GALNT13: variants seen among roughly 807,000 people sequenced by gnomAD.
The protein encoded by GALNT13 is UDP-GalNAc:polypeptide N-acetylgalactosaminyltransferase 13.
In GALNT13, 28 loss-of-function variants were observed where a neutral mutation model predicts 64.2. That is an observed-to-expected ratio of 0.44 (90% CI 0.32 to 0.60). The LOEUF (loss-of-function observed/expected upper bound fraction) is 0.60, where lower values mean the gene tolerates loss of function less well. GALNT13 is among the 20% of genes least tolerant of loss of function. The pLI, the probability that GALNT13 is intolerant of heterozygous loss-of-function variation, is 0.05. For synonymous variants in GALNT13, 214 were observed against 224.6 expected, an observed-to-expected ratio of 0.95 and a Z score of 0.42; for missense variants, 577 against 669.8, an observed-to-expected ratio of 0.86 and a Z score of 1.53.
At chr2:154,224,454 G>GA (rs904594508) in intron 4 of GALNT13, among the ~76,000 whole-genome samples, 2 of 151,654 alleles carry the variant, frequency 1.3e-5, no homozygotes, top group South Asian at 2.1e-4. Context: ...GGGCTCACAA[G>GA]AAAAAAACAT....
At chr2:154,287,302 G>T (rs998218422) in intron 8 of GALNT13, 6 of 673,628 alleles carry the variant, frequency 8.9e-6, no homozygotes, top group South Asian at 1.5e-5. Context: ...TGGCCATGGC[G>T]GGGACAGTCT....
chr2:154,238,336 G>A (rs954092736), intron 4 of GALNT13, among the ~76,000 whole-genome samples: 7 of 151,912 alleles, frequency 4.6e-5, no homozygotes, highest in African/African-American at 1.7e-4. Flanking sequence ...TTCATAAGTC[G>A]AGCATAACAA....
rs559828996 is a variant in GALNT13, at chr2:154,216,551, C to T, written c.312-25479C>T. 3.1e-4 allele frequency among the ~76,000 whole-genome samples: 47 copies of T among 152,068 alleles called. No individual in the cohort carries two copies. In the South Asian group the frequency reaches 9.5e-3, roughly 31 times the overall value. ...GTACATGGCTTGCACTCGAAAAATG[C>T]TTCAGATATTGCCCATCTTTTTATT... On this transcript the variant is annotated intron_variant, in intron 4 of 12. Transcript: ENST00000392825.
the GALNT13 span, among the ~76,000 whole-genome samples, chr2:153,258,585 G>T: frequency 9.2e-5 from 14 of 152,118 alleles, no homozygotes; most frequent in East Asian, 2.7e-3. Flanking sequence ...TTTGATGTAG[G>T]TGCTTATTGC....
At chr2:153,501,192 G>C in the GALNT13 span, among the ~76,000 whole-genome samples, 7 of 152,152 alleles carry the variant, frequency 4.6e-5, no homozygotes, top group African/African-American at 1.2e-4. Context: ...TAGCCAAAAT[G>C]ATGACTCAAA....
At chr2:153,269,306 C>T in the GALNT13 span, among the ~76,000 whole-genome samples, 4 of 152,096 alleles carry the variant, frequency 2.6e-5, no homozygotes, top group Non-Finnish European at 5.9e-5. Context: ...CTCCAGATAC[C>T]CTAAATCATC....
At chr2:153,107,099 G>A in the GALNT13 span, among the ~76,000 whole-genome samples, 1 of 152,076 alleles carries the variant, frequency 6.6e-6, no homozygotes, top group African/African-American at 2.4e-5. Context: ...ATCTTAATTT[G>A]GGCAACTTGG....
chr2:153,787,164 T>C, the GALNT13 span, among the ~76,000 whole-genome samples: 6 of 152,124 alleles, frequency 3.9e-5, no homozygotes, highest in Non-Finnish European at 7.3e-5. Flanking sequence ...CTGTGATCTA[T>C]GTCCAGCACT....
At chr2:153,154,987 T>C in the GALNT13 span, among the ~76,000 whole-genome samples, 32 of 152,312 alleles carry the variant, frequency 2.1e-4, no homozygotes, top group Admixed American at 1.9e-3. Context: ...GAGAAAATCA[T>C]GTGGTTTTTG....
chr2:154,315,254 A>C (rs544383903), intron 9 of GALNT13, among the ~76,000 whole-genome samples: 11 of 152,270 alleles, frequency 7.2e-5, no homozygotes, highest in Non-Finnish European at 1.6e-4. Flanking sequence ...TATTAATACA[A>C]ATTATCTAGA....
the GALNT13 span, among the ~76,000 whole-genome samples, chr2:153,823,155 C>G: frequency 6.6e-6 from 1 of 152,162 alleles, no homozygotes; most frequent in Non-Finnish European, 1.5e-5. Context: ...CCACTCCAAG[C>G]TCATGAATTG....
the GALNT13 span, among the ~76,000 whole-genome samples, chr2:153,330,814 G>C: frequency 2.0e-5 from 3 of 152,094 alleles, no homozygotes; most frequent in Non-Finnish European, 2.9e-5. Context: ...CCAGTACTAT[G>C]TTGGATAGCA....
chr2:153,135,099 G>A, the GALNT13 span, among the ~76,000 whole-genome samples: 1 of 152,088 alleles, frequency 6.6e-6, no homozygotes, highest in South Asian at 2.1e-4. Flanking sequence ...GATCAGGTTG[G>A]CACCATGGTT....
chr2:154,393,933 C>T (rs1286018907), intron 9 of GALNT13, among the ~76,000 whole-genome samples: 4 of 150,090 alleles, frequency 2.7e-5, no homozygotes, highest in Non-Finnish European at 5.9e-5. Context: ...AAAAAATTAG[C>T]CGGGCGTAGT....
intron 3 of GALNT13, among the ~76,000 whole-genome samples, chr2:154,126,136 G>C (rs1682246803): frequency 6.6e-6 from 1 of 151,996 alleles, no homozygotes; most frequent in Non-Finnish European, 1.5e-5. Flanking sequence ...TCCCTTCCCT[G>C]CTCTTTCATC....
At chr2:153,780,551 T>C in the GALNT13 span, among the ~76,000 whole-genome samples, 3 of 152,038 alleles carry the variant, frequency 2.0e-5, no homozygotes, top group African/African-American at 7.2e-5. Context: ...AGCACACTCA[T>C]ATGAAAGAAA....
intron 8 of GALNT13, among the ~76,000 whole-genome samples, chr2:154,274,102 A>T (rs1379759553): frequency 6.6e-6 from 1 of 152,072 alleles, no homozygotes; most frequent in East Asian, 1.9e-4. Flanking sequence ...AATCAGTATA[A>T]ATATTCACAT....
chr2:154,449,814 T>C (rs967606267), intron 12 of GALNT13, among the ~76,000 whole-genome samples: 9 of 150,954 alleles, frequency 6.0e-5, no homozygotes, highest in African/African-American at 2.2e-4. Context: ...CCCCTGTTTT[T>C]ATGTTATATT....
chr2:153,855,814 C>T, the GALNT13 span, among the ~76,000 whole-genome samples: 1 of 151,962 alleles, frequency 6.6e-6, no homozygotes, highest in Non-Finnish European at 1.5e-5. Flanking sequence ...TTCATAATAA[C>T]AAAAACAGTG....
Sources: gnomAD v4.1 joint callset for allele counts (sites outside exome capture counted in the v4.1 genomes callset) on GRCh38, gnomAD v4.1.1 for gene constraint, MANE v1.5 for transcripts, NCBI Gene and HGNC (gene_info 2026-07-23, HGNC 2026-07-21) for gene names.